Variants in PDS5A observed in about 807,000 individuals in gnomAD.
The protein encoded by PDS5A is PDS5 cohesin associated factor A, also known as sister chromatid cohesion protein PDS5 homolog A.
Under a neutral mutation model 167.1 loss-of-function variants are expected in PDS5A, and 42 were observed. The observed-to-expected ratio is 0.25, with a 90% CI of 0.20 to 0.33. The LOEUF is 0.33. Ranked by LOEUF, PDS5A falls within the 10% of genes least tolerant of loss-of-function variation. The pLI is 1.00. For missense variants in PDS5A, 1,033 were observed against 1,605.9 expected, an observed-to-expected ratio of 0.64 and a Z score of 6.10; for synonymous variants, 553 against 554.6, an observed-to-expected ratio of 1.00 and a Z score of 0.04.
In PDS5A at chr4:39,862,898, T is replaced by C. The variant is rs1260779412; in HGVS notation, c.2942A>G (p.Glu981Gly). ...AGCCATAGGATTCTGCTTAATGTAT[T>C]CCCTGCGTATACTGATATTTTTCAG... The part of the protein sequence containing the change: ...CLLKNISIRR[E>G]YIKQNPMATE... The change falls in exon 25 of 33, where the codon GAA becomes GGA. Residue 981 changes from glutamate to glycine, a missense_variant. Around this residue, in one of 4 missense-constraint regions of PDS5A, gnomAD observed 367 missense variants for 686.7 expected, o/e 0.53. Transcript: ENST00000303538. The C allele has an allele frequency of 6.2e-7, 1 of 1,610,474 alleles. No homozygotes were observed.
intron 19 of PDS5A, among the ~76,000 whole-genome samples, chr4:39,876,246 T>C (rs1304879418): frequency 6.6e-6 from 1 of 152,166 alleles, no homozygotes; most frequent in African/African-American, 2.4e-5. Context: ...TTCTAGTCTA[T>C]AAACTCCTTG....
intron 24 of PDS5A, 65 bp from the exon 25 acceptor site, chr4:39,863,138 AT>A: frequency 1.6e-6 from 2 of 1,227,154 alleles, no homozygotes; most frequent in Non-Finnish European, 1.2e-6. Context: ...CAGTTTAAGT[AT>A]TTTTAGTGTC....
chr4:39,873,539 C>T (rs1720224966), intron 20 of PDS5A, among the ~76,000 whole-genome samples: 1 of 152,006 alleles, frequency 6.6e-6, no homozygotes, highest in South Asian at 2.1e-4. Flanking sequence ...GGGTTTTGGT[C>T]ACACTATCTC....
intron 6 of PDS5A, among the ~76,000 whole-genome samples, chr4:39,921,573 A>G (rs1724970987): frequency 6.8e-6 from 1 of 147,986 alleles, no homozygotes; most frequent in East Asian, 2.0e-4. Flanking sequence ...CTGTTTCTAC[A>G]AAGAAAACTT....
At chr4:39,895,590 A>T (rs993804665) in intron 16 of PDS5A, among the ~76,000 whole-genome samples, 3 of 152,232 alleles carry the variant, frequency 2.0e-5, no homozygotes, top group African/African-American at 7.2e-5. Flanking sequence ...ACAGTACACT[A>T]CTGTAGACTT....
At chr4:39,950,701 C>A (rs1405016410) in intron 2 of PDS5A, among the ~76,000 whole-genome samples, 4 of 152,174 alleles carry the variant, frequency 2.6e-5, no homozygotes, top group Non-Finnish European at 5.9e-5. Flanking sequence ...GATTCTCCTG[C>A]CTCAGCCTCC....
At chr4:39,827,613 C>T (rs1363388951) in intron 32 of PDS5A, among the ~76,000 whole-genome samples, 1 of 152,174 alleles carries the variant, frequency 6.6e-6, no homozygotes, top group Non-Finnish European at 1.5e-5. Flanking sequence ...GAGATACGAA[C>T]CCACATGATG....
chr4:39,849,765 ACCTT>A, intron 26 of PDS5A, 113 bp from the exon 27 acceptor site: 3 of 628,080 alleles, frequency 4.8e-6, no homozygotes, highest in Non-Finnish European at 8.2e-6. Flanking sequence ...AAAATGATCA[ACCTT>A]AATGACTAAT....
intron 2 of PDS5A, among the ~76,000 whole-genome samples, chr4:39,944,832 G>A (rs1014822845): frequency 6.6e-6 from 1 of 152,032 alleles, no homozygotes; most frequent in Non-Finnish European, 1.5e-5. Context: ...TAAAACGAGT[G>A]AAGACGATAT....
At chr4:39,947,547 C>T (rs1727896475) in intron 2 of PDS5A, among the ~76,000 whole-genome samples, 2 of 152,132 alleles carry the variant, frequency 1.3e-5, no homozygotes, top group Admixed American at 1.3e-4. Flanking sequence ...CTGGGCCACA[C>T]TGGAAGAAGA....
chr4:39,867,564 A>AG (rs1245308631), intron 22 of PDS5A, among the ~76,000 whole-genome samples: 1 of 151,532 alleles, frequency 6.6e-6, no homozygotes, highest in African/African-American at 2.4e-5. Context: ...AAAAAAAAAA[A>AG]AAAAAATTAG....
intron 3 of PDS5A, among the ~76,000 whole-genome samples, chr4:39,927,427 A>T (rs139841121): frequency 2.0e-5 from 3 of 152,298 alleles, no homozygotes; most frequent in Admixed American, 6.5e-5. Context: ...TGATTTTAGG[A>T]CTATTTTTAA....
chr4:39,955,378 G>C (rs1261212668), intron 2 of PDS5A, among the ~76,000 whole-genome samples: 1 of 152,038 alleles, frequency 6.6e-6, no homozygotes, highest in African/African-American at 2.4e-5. Flanking sequence ...GAGGTGGGCA[G>C]ATCACCTGAA....
intron 2 of PDS5A, among the ~76,000 whole-genome samples, chr4:39,969,486 G>A (rs56389603): frequency 0.19 from 29,537 of 152,004 alleles, 3,359 homozygotes; most frequent in South Asian, 0.27. Flanking sequence ...GACCAACATG[G>A]TAAAACCCCG....
intron 32 of PDS5A, among the ~76,000 whole-genome samples, chr4:39,832,034 A>AATGAACC (rs1335077673): frequency 6.7e-6 from 1 of 150,282 alleles, no homozygotes; most frequent in Non-Finnish European, 1.5e-5. Context: ...GAATCCCTTG[A>AATGAACC]ATGAACCCGG....
chr4:39,969,949 T>C (rs1730341981), intron 2 of PDS5A, among the ~76,000 whole-genome samples: 1 of 134,874 alleles, frequency 7.4e-6, no homozygotes, highest in Non-Finnish European at 1.6e-5. Flanking sequence ...GAAGGGTATG[T>C]AATGTAGAAT....
At chr4:39,935,362 C>A (rs374764788) in intron 2 of PDS5A, among the ~76,000 whole-genome samples, 1 of 152,148 alleles carries the variant, frequency 6.6e-6, no homozygotes, top group Non-Finnish European at 1.5e-5. Context: ...CCTCCCAAAG[C>A]GCTGGGATTA....
At chr4:39,920,868 A>G (rs1385596211) in intron 6 of PDS5A, among the ~76,000 whole-genome samples, 1 of 152,192 alleles carries the variant, frequency 6.6e-6, no homozygotes, top group African/African-American at 2.4e-5. Context: ...GTTCTTGATC[A>G]ATTGTATTTT....
intron 2 of PDS5A, among the ~76,000 whole-genome samples, chr4:39,932,068 T>C (rs561001675): frequency 2.2e-4 from 34 of 152,206 alleles, no homozygotes; most frequent in Non-Finnish European, 4.3e-4. Context: ...AAGTTTTGTA[T>C]TTTTAGTAGA....
Sources: gnomAD v4.1 joint callset for allele counts (sites outside exome capture counted in the v4.1 genomes callset) on GRCh38, gnomAD v4.1.1 for gene constraint, gnomAD v4.1.1 regional missense constraint, MANE v1.5 for transcripts, NCBI Gene and HGNC (gene_info 2026-07-23, HGNC 2026-07-21) for gene names.